Variants in KLHL29 observed in about 807,000 individuals in gnomAD.
KLHL29 encodes kelch-like protein 29.
A neutral mutation model predicts 80.4 loss-of-function variants in KLHL29; 21 were observed. That is an observed-to-expected ratio of 0.26 (90% CI 0.19 to 0.38). The LOEUF (loss-of-function observed/expected upper bound fraction) is 0.38. KLHL29 is among the 10% of genes least tolerant of loss of function. The pLI, the probability that KLHL29 is intolerant of heterozygous loss-of-function variation, is 1.00. For synonymous variants in KLHL29, 511 were observed against 526.8 expected (o/e 0.97, Z 0.41); for missense variants, 867 against 1,223.9 (o/e 0.71, Z 4.35).
At chr2:23,560,263 C>CT (rs67065961) in intron 2 of KLHL29, among the ~76,000 whole-genome samples, 896 of 73,284 alleles carry the variant, frequency 0.012, 116 homozygotes, top group African/African-American at 0.037. Context: ...ATTGGATAGG[C>CT]TTTTTTTTTT....
chr2:23,486,179 G>C (rs1193930259), intron 2 of KLHL29, among the ~76,000 whole-genome samples: 1 of 152,122 alleles, frequency 6.6e-6, no homozygotes, highest in African/African-American at 2.4e-5. Flanking sequence ...ATAGGCCACA[G>C]CAGAGGGTCC....
chr2:23,416,808 T>C (rs768233737), intron 1 of KLHL29, among the ~76,000 whole-genome samples: 7 of 152,150 alleles, frequency 4.6e-5, no homozygotes, highest in Non-Finnish European at 7.3e-5. Flanking sequence ...ACATTCTCTC[T>C]TCAGTATTGT....
chr2:23,407,907 T>TTTG (rs542756988), intron 1 of KLHL29, among the ~76,000 whole-genome samples: 2,596 of 152,010 alleles, frequency 0.017, 28 homozygotes, highest in Non-Finnish European at 0.021. Context: ...TGTTGGGTTT[T>TTTG]TTGTTGTTGT....
intron 2 of KLHL29, among the ~76,000 whole-genome samples, chr2:23,482,852 CATT>C (rs1558354815): frequency 6.6e-6 from 1 of 151,864 alleles, no homozygotes; most frequent in African/African-American, 2.4e-5. Context: ...TTCATTCATT[CATT>C]CATTCATTCA....
intron 1 of KLHL29, among the ~76,000 whole-genome samples, chr2:23,418,849 T>C (rs866327499): frequency 2.0e-5 from 3 of 152,158 alleles, no homozygotes; most frequent in Non-Finnish European, 2.9e-5. Flanking sequence ...ACTCACAGCA[T>C]GCACTTCGTC....
At chr2:23,687,456 C>T (rs1193718690) in intron 6 of KLHL29, among the ~76,000 whole-genome samples, 1 of 152,228 alleles carries the variant, frequency 6.6e-6, no homozygotes, top group East Asian at 1.9e-4. Context: ...TGCCCCACAG[C>T]CACAGGACAG....
chr2:23,506,494 T>C (rs1046268534), intron 2 of KLHL29, among the ~76,000 whole-genome samples: 4 of 152,240 alleles, frequency 2.6e-5, no homozygotes, highest in African/African-American at 7.2e-5. Flanking sequence ...TAGGGTCTTT[T>C]ATTAATTGTT....
Position 23,444,273 on chromosome 2 carries a change from A to G in KLHL29, c.-153-31287A>G, listed in dbSNP as rs373798115. On this transcript the variant is annotated intron_variant, in intron 1 of 13. Transcript: ENST00000486442. ...GTTTTGAATTCAGATTTAGAACTCA[A>G]GATTTTTTTCCTTAACTTTTTACCT... is the stretch of plus-strand genomic sequence containing the variant. Among the ~76,000 whole-genome samples, 7 of 152,296 alleles carry G rather than the reference A, an allele frequency of 4.6e-5. No individual in the cohort carries two copies. The South Asian group carries it at 6.2e-4, about 14-fold the overall frequency.
At chr2:23,492,707 A>G (rs1197867368) in intron 2 of KLHL29, among the ~76,000 whole-genome samples, 1 of 152,240 alleles carries the variant, frequency 6.6e-6, no homozygotes, top group Non-Finnish European at 1.5e-5. Flanking sequence ...TGTGCAAAAC[A>G]GAGTTGAGTC....
intron 1 of KLHL29, among the ~76,000 whole-genome samples, chr2:23,425,550 A>G (rs1662983327): frequency 6.6e-6 from 1 of 152,194 alleles, no homozygotes; most frequent in African/African-American, 2.4e-5. Flanking sequence ...AACGCTGGGC[A>G]GGTAGCAGGG....
At chr2:23,692,162 G>A (rs1671652544) in intron 7 of KLHL29, among the ~76,000 whole-genome samples, 3 of 152,284 alleles carry the variant, frequency 2.0e-5, no homozygotes, top group African/African-American at 7.2e-5. Flanking sequence ...CACCATGAGG[G>A]CTGTGCATGT....
At chr2:23,537,225 A>C (rs1346994909) in intron 2 of KLHL29, among the ~76,000 whole-genome samples, 1 of 152,088 alleles carries the variant, frequency 6.6e-6, no homozygotes, top group Non-Finnish European at 1.5e-5. Flanking sequence ...ACCACCCTTC[A>C]TGGGCAGTGC....
intron 2 of KLHL29, among the ~76,000 whole-genome samples, chr2:23,560,427 C>G (rs1437156953): frequency 6.6e-6 from 1 of 152,018 alleles, no homozygotes; most frequent in Non-Finnish European, 1.5e-5. Context: ...CGTGCTGCCA[C>G]TCCCAACTAA....
intron 3 of KLHL29, among the ~76,000 whole-genome samples, chr2:23,569,393 G>T (rs1284114787): frequency 6.6e-6 from 1 of 152,162 alleles, no homozygotes; most frequent in Non-Finnish European, 1.5e-5. Flanking sequence ...CCTCAGAAGG[G>T]CCTCTTCTTA....
intron 5 of KLHL29, among the ~76,000 whole-genome samples, chr2:23,648,310 G>A (rs761048743): frequency 7.2e-5 from 11 of 152,030 alleles, no homozygotes; most frequent in African/African-American, 2.2e-4. Flanking sequence ...TTACATACTC[G>A]TAGGCTTAGA....
intron 1 of KLHL29, among the ~76,000 whole-genome samples, chr2:23,386,772 C>G (rs894600448): frequency 2.0e-5 from 3 of 152,010 alleles, no homozygotes; most frequent in Non-Finnish European, 2.9e-5. Context: ...CGCCTGGGGC[C>G]GGAGCGCGGG....
At chr2:23,411,382 TGTG>T (rs1378435358) in intron 1 of KLHL29, among the ~76,000 whole-genome samples, 2 of 87,014 alleles carry the variant, frequency 2.3e-5, no homozygotes, top group African/African-American at 8.0e-5. Flanking sequence ...GCAAAAATTG[TGTG>T]TGTGTGTGTG....
chr2:23,456,392 T>A (rs1664051441), intron 1 of KLHL29, among the ~76,000 whole-genome samples: 1 of 152,254 alleles, frequency 6.6e-6, no homozygotes, highest in South Asian at 2.1e-4. Context: ...TGTAGAGCTG[T>A]GCCAGGAACC....
At chr2:23,610,108 C>T (rs148183842) in intron 3 of KLHL29, among the ~76,000 whole-genome samples, 6 of 152,276 alleles carry the variant, frequency 3.9e-5, no homozygotes, top group East Asian at 1.9e-4. Context: ...CCATCTCCCC[C>T]ACCCCACAAA....
Sources: gnomAD v4.1 joint callset for allele counts (sites outside exome capture counted in the v4.1 genomes callset) on GRCh38, gnomAD v4.1.1 for gene constraint, MANE v1.5 for transcripts, NCBI Gene and HGNC (gene_info 2026-07-23, HGNC 2026-07-21) for gene names.